The following SNX29 variants were observed in gnomAD, a reference collection of about 807,000 sequenced individuals.
SNX29 encodes sorting nexin 29.
A neutral mutation model predicts 102.1 loss-of-function variants in SNX29; 78 were observed. That is an observed-to-expected ratio of 0.76 (90% CI 0.64 to 0.92). SNX29 has a LOEUF of 0.92. Among genes scored for constraint, SNX29 ranks in the 40% least tolerant of loss-of-function variants. The pLI, the probability that SNX29 is intolerant of heterozygous loss-of-function variation, is 0.00. For missense variants in SNX29, 1,280 were observed against 1,061.7 expected, an observed-to-expected ratio of 1.21 and a Z score of -2.86; for synonymous variants, 580 against 414.5, an observed-to-expected ratio of 1.40 and a Z score of -4.85.
Position 12,355,875 on chromosome 16 carries a change from A to AAG in SNX29, c.1783-281_1783-280dup, listed in dbSNP as rs1393351264. Among the ~76,000 whole-genome samples, 367 of 136,032 alleles carry AAG rather than the reference A, an allele frequency of 2.7e-3. 1 individual carries two copies. The highest frequency in any genetic ancestry group is 7.3e-3 in the East Asian group (33 of 4,508). The allele number at this position is 136,032 out of a possible 152,430, so 89.2% of individuals were successfully genotyped here. On this transcript the variant is annotated intron_variant, in intron 15 of 20. Coordinates refer to ENST00000566228, the MANE Select transcript of SNX29 (RefSeq NM_032167.5). ...AAAAAAAAAAAAAAAAAAAAAAAAA[A>AAG]AGAGAGAGGAAAAAAAAAGCCCAAG...
chr16:12,246,155 C>T (rs893025377), intron 14 of SNX29, among the ~76,000 whole-genome samples: 1 of 152,068 alleles, frequency 6.6e-6, no homozygotes, highest in African/African-American at 2.4e-5. Flanking sequence ...GTTATCCTTC[C>T]GTTGGAGTCT....
At chr16:12,167,903 G>C (rs2076054117) in intron 13 of SNX29, among the ~76,000 whole-genome samples, 1 of 152,194 alleles carries the variant, frequency 6.6e-6, no homozygotes, top group African/African-American at 2.4e-5. Context: ...AGCAGCAGAG[G>C]TGAGTAGTTA....
At chr16:12,511,044 C>T (rs917835817) in intron 19 of SNX29, among the ~76,000 whole-genome samples, 3 of 152,130 alleles carry the variant, frequency 2.0e-5, no homozygotes, top group South Asian at 2.1e-4. Context: ...GCAACCTCTG[C>T]GTCCCGGGTT....
chr16:12,189,170 C>T (rs2076582951), intron 13 of SNX29, among the ~76,000 whole-genome samples: 1 of 152,184 alleles, frequency 6.6e-6, no homozygotes, highest in African/African-American at 2.4e-5. Context: ...ACAAGCAAAA[C>T]ATTCTCCTTT....
intron 15 of SNX29, among the ~76,000 whole-genome samples, chr16:12,324,210 C>T (rs1231919355): frequency 2.6e-5 from 4 of 151,804 alleles, no homozygotes; most frequent in African/African-American, 9.7e-5. Flanking sequence ...TTGAGGACAG[C>T]ATCCTTGGAG....
At chr16:12,027,578 C>G in intron 4 of SNX29, 134 bp downstream of exon 4, 1 of 1,053,412 alleles carries the variant, frequency 9.5e-7, no homozygotes, top group South Asian at 1.6e-5. Context: ...CACAGAAATC[C>G]ATGTCTTAAT....
intron 14 of SNX29, among the ~76,000 whole-genome samples, chr16:12,211,016 C>G (rs1315852633): frequency 6.6e-6 from 1 of 152,136 alleles, no homozygotes; most frequent in East Asian, 1.9e-4. Flanking sequence ...GCCTTTAGTG[C>G]AGAGTGAGGC....
intron 13 of SNX29, among the ~76,000 whole-genome samples, chr16:12,158,704 CGGAGACTCGG>C (rs1567262306): frequency 6.6e-6 from 1 of 152,204 alleles, no homozygotes; most frequent in Non-Finnish European, 1.5e-5. Context: ...CAACGTGCAC[CGGAGACTCGG>C]GGTAGCCCGA....
At chr16:12,266,595 G>A (rs1016041092) in intron 14 of SNX29, among the ~76,000 whole-genome samples, 2 of 150,000 alleles carry the variant, frequency 1.3e-5, no homozygotes, top group African/African-American at 4.9e-5. Context: ...ATGAATTATA[G>A]TGTCACTGTG....
intron 8 of SNX29, among the ~76,000 whole-genome samples, chr16:12,055,159 A>T (rs1331293110): frequency 3.4e-5 from 5 of 146,830 alleles, no homozygotes; most frequent in Admixed American, 1.4e-4. Context: ...GTCCTGCTCT[A>T]TTTTTTCTCA....
At chr16:12,446,270 G>T (rs1317133715) in intron 18 of SNX29, among the ~76,000 whole-genome samples, 1 of 152,052 alleles carries the variant, frequency 6.6e-6, no homozygotes, top group Non-Finnish European at 1.5e-5. Context: ...TGGCCAGGCT[G>T]GTCTCGAACT....
At chr16:12,556,027 C>T (rs1004029983) in intron 20 of SNX29, among the ~76,000 whole-genome samples, 1 of 152,140 alleles carries the variant, frequency 6.6e-6, no homozygotes, top group African/African-American at 2.4e-5. Context: ...CATGCCATGC[C>T]ACCGTAGTGC....
chr16:12,455,152 C>T (rs922380128), intron 18 of SNX29, among the ~76,000 whole-genome samples: 1 of 152,146 alleles, frequency 6.6e-6, no homozygotes, highest in Non-Finnish European at 1.5e-5. Context: ...ACAAAGGTTT[C>T]CTCCTCCTTC....
chr16:12,010,723 A>C (rs2056620544), intron 3 of SNX29, among the ~76,000 whole-genome samples: 1 of 151,926 alleles, frequency 6.6e-6, no homozygotes, highest in East Asian at 1.9e-4. Flanking sequence ...CTTTCAAAGC[A>C]TGCAGAAAAG....
intron 13 of SNX29, among the ~76,000 whole-genome samples, chr16:12,147,142 C>T (rs151248088): frequency 2.0e-5 from 3 of 152,350 alleles, no homozygotes; most frequent in Middle Eastern, 3.4e-3. Context: ...AGCGCGTGCC[C>T]GCGTTGAATG....
chr16:12,511,286 G>A (rs2089607520), intron 19 of SNX29, among the ~76,000 whole-genome samples: 1 of 152,190 alleles, frequency 6.6e-6, no homozygotes, highest in South Asian at 2.1e-4. Flanking sequence ...CTCAGGTGTG[G>A]AACTCAAGCA....
rs145678221 is a variant in SNX29, at chr16:12,357,674, C to T, written c.1899+1395C>T. On this transcript the variant is annotated intron_variant, in intron 16 of 20. Transcript: ENST00000566228. ...TTCCATCTTCCCCGACTGAAGCTGTCCCCTTTAAACAGTCAGTGCCTGCTC... is the reference window on the plus strand; with the variant it reads ...TTCCATCTTCCCCGACTGAAGCTGTTCCCTTTAAACAGTCAGTGCCTGCTC... 1.3e-3 allele frequency among the ~76,000 whole-genome samples: 199 copies of T among 152,322 alleles called. 1 individual carries two copies. The Middle Eastern group carries it at 0.027, about 21-fold the overall frequency.
intron 12 of SNX29, among the ~76,000 whole-genome samples, chr16:12,128,577 C>T (rs1022772540): frequency 6.6e-6 from 1 of 151,818 alleles, no homozygotes; most frequent in Non-Finnish European, 1.5e-5. Context: ...CTCAGCCCCC[C>T]GAATAGCTGG....
intron 20 of SNX29, among the ~76,000 whole-genome samples, chr16:12,525,476 C>T (rs1210374312): frequency 6.6e-6 from 1 of 152,064 alleles, no homozygotes; most frequent in Non-Finnish European, 1.5e-5. Flanking sequence ...AGTTCGAGAC[C>T]AGCATGGCCA....
Sources: gnomAD v4.1 joint callset for allele counts (sites outside exome capture counted in the v4.1 genomes callset) on GRCh38, gnomAD v4.1.1 for gene constraint, MANE v1.5 for transcripts, NCBI Gene and HGNC (gene_info 2026-07-23, HGNC 2026-07-21) for gene names.